Variants in ARAP1 observed in about 807,000 individuals in gnomAD.
The protein encoded by ARAP1 is ArfGAP with RhoGAP domain, ankyrin repeat and PH domain 1.
A neutral mutation model predicts 172.2 loss-of-function variants in ARAP1; 76 were observed. The observed-to-expected ratio is 0.44, with a 90% confidence interval of 0.37 to 0.53. The LOEUF is 0.53. Among genes scored for constraint, ARAP1 ranks in the 20% least tolerant of loss-of-function variants. The probability of loss-of-function intolerance (pLI) is 0.00; values close to 1 mark genes in which losing one functional copy is unlikely to be tolerated. For missense variants in ARAP1, 1,686 were observed against 1,977.5 expected, an observed-to-expected ratio of 0.85 and a Z score of 2.80; for synonymous variants, 804 against 803.3, an observed-to-expected ratio of 1.00 and a Z score of -0.01.
At chr11:72,751,863 G>C (rs1014645008) in intron 1 of ARAP1, among the ~76,000 whole-genome samples, 1 of 152,198 alleles carries the variant, frequency 6.6e-6, no homozygotes, top group Non-Finnish European at 1.5e-5. Context: ...GGGCCAGGTA[G>C]GGGCTCTGGG....
At position 72,714,153 on chromosome 11, in the gene ARAP1, G is replaced by A. The variant is rs372965440; in HGVS notation, c.678C>T (p.Phe226=). The A allele has an allele frequency of 1.0e-4, 152 of 1,480,022 alleles. No individual in the cohort carries two copies. The highest frequency in any genetic ancestry group is 2.2e-4 in the Middle Eastern group (1 of 4,452). The allele number at this position is 1,480,022 out of a possible 1,614,324, so 91.7% of individuals were successfully genotyped here. ...CCATCTCCTGGCTGCAGCACTCACC[G>A]AACTCTGGGAACAGGCGTACCGGCT... ...PPKPVRLFPE[F]DDSDYDEVPE... The change falls in exon 4 of 35, where the codon TTC becomes TTT. Residue 226 remains phenylalanine, a splice_region_variant and synonymous_variant. Transcript: ENST00000393609.
chr11:72,688,737 A>C lies in ARAP1; in HGVS notation c.3988-200T>G. 3 of 557,798 alleles carry C rather than the reference A, an allele frequency of 5.4e-6. No homozygotes were observed. In the South Asian group the frequency reaches 6.2e-5, roughly 12 times the overall value. 34.6% of individuals were successfully genotyped at this position (557,798 alleles called of 1,614,324 possible). A position where few individuals can be genotyped will look rare whatever the true frequency, so the allele number is the denominator to read the frequency against. The stretch of plus-strand genomic sequence containing the variant: ...ACCAACCTCCCAGCCCTAGGCCCCC[A>C]AGGCCTGTCTCCCTGCAGCAGTATC... On this transcript the variant is annotated intron_variant, in intron 30 of 34. Transcript: ENST00000393609.
intron 1 of ARAP1, among the ~76,000 whole-genome samples, chr11:72,739,173 G>A (rs2365442): frequency 0.14 from 20,540 of 152,034 alleles, 1,750 homozygotes; most frequent in African/African-American, 0.23. Context: ...GTGGGCAGCT[G>A]ACCGATCTCT....
At position 72,704,238 on chromosome 11, in the gene ARAP1, G is replaced by C. The variant is rs536371692; in HGVS notation, c.1906C>G (p.Arg636Gly). The change falls in exon 14 of 35, where the codon CGG (arginine) becomes GGG (glycine). Residue 636 changes from arginine (R) to glycine (G), a missense_variant. Physicochemically the swap from Arg to Gly is moderately radical, Grantham distance 125. Coordinates refer to ENST00000393609, the MANE Select transcript of ARAP1 (RefSeq NM_001040118.3). ...ALQPSSSPSTRRCHLEAKYRE... is the reference protein window; with the variant it reads ...ALQPSSSPSTGRCHLEAKYRE... Reference sequence around the variant, plus strand: ...TACTTGGCCTCCAGGTGGCACCGCCGGGTGCTGGGGCTGCTGCTGGGCTGC... The same window carrying C: ...TACTTGGCCTCCAGGTGGCACCGCCCGGTGCTGGGGCTGCTGCTGGGCTGC... The C allele has an allele frequency of 6.2e-7, 1 of 1,613,628 alleles. No homozygotes were observed. The highest frequency in any genetic ancestry group is 8.5e-7 in the Non-Finnish European group (1 of 1,179,852).
At chr11:72,690,739 G>A (rs1220580735) in intron 30 of ARAP1, among the ~76,000 whole-genome samples, 2 of 152,162 alleles carry the variant, frequency 1.3e-5, no homozygotes, top group African/African-American at 4.8e-5. Flanking sequence ...TGGGGCCATG[G>A]GCAGACAATG....
chr11:72,699,565 TG>T lies in ARAP1; in HGVS notation c.2303-14del. 1 of 1,609,030 alleles carries T rather than the reference TG, an allele frequency of 6.2e-7. No individual in the cohort carries two copies. The highest frequency in any genetic ancestry group is 1.3e-5 in the African/African-American group (1 of 74,932). On this transcript the variant is annotated splice_polypyrimidine_tract_variant and intron_variant, in intron 16 of 34. Transcript: ENST00000393609. The surrounding 1 kb of genome is among the most constrained non-coding windows in gnomAD (Gnocchi z 4.2). ...CGCCGGCTGAACTCTGGGGAGAATTTGGGCAGGGGAGCCATCAGGGAGCCCC... is the reference window on the plus strand; with the variant it reads ...CGCCGGCTGAACTCTGGGGAGAATTTGGCAGGGGAGCCATCAGGGAGCCCC...
chr11:72,748,184 TCCA>T, intron 1 of ARAP1, among the ~76,000 whole-genome samples: 1 of 152,206 alleles, frequency 6.6e-6, no homozygotes, highest in Non-Finnish European at 1.5e-5. Context: ...ATAGTCAGCT[TCCA>T]AGAAACAATA....
chr11:72,733,970 T>C (rs1212478898), intron 1 of ARAP1, among the ~76,000 whole-genome samples: 1 of 152,060 alleles, frequency 6.6e-6, no homozygotes, highest in Admixed American at 6.6e-5. Flanking sequence ...GGACTACAGG[T>C]GCGTATCACC....
At position 72,702,990 on chromosome 11, in the gene ARAP1, G is replaced by T. The variant is rs376337265; in HGVS notation, c.2082C>A (p.Asp694Glu). ...GAGCCAGGGGCGTGGGGGCCTCAGG[G>T]TCCCCCGAGAAGCAGTTGATCCCAG... ...CGAGINCFSG[D>E]PEAPTPLALA... The change falls in exon 15 of 35, where the codon GAC becomes GAA. Residue 694 changes from aspartate (D) to glutamate (E), a missense_variant. Coordinates refer to ENST00000393609, the MANE Select transcript of ARAP1 (RefSeq NM_001040118.3). 1.3e-6 allele frequency: 2 copies of T among 1,571,366 alleles called. No homozygotes were observed. The highest frequency in any genetic ancestry group is 1.4e-5 in the African/African-American group (1 of 73,948).
chr11:72,698,709 C>G (rs938352750), intron 18 of ARAP1, among the ~76,000 whole-genome samples: 2 of 152,144 alleles, frequency 1.3e-5, no homozygotes, highest in Non-Finnish European at 2.9e-5. Context: ...CTCTGGAGGC[C>G]GCACTGTCCA....
intron 1 of ARAP1, among the ~76,000 whole-genome samples, chr11:72,747,775 C>A (rs1858411460): frequency 6.6e-6 from 1 of 152,214 alleles, no homozygotes; most frequent in African/African-American, 2.4e-5. Context: ...AGGGCCAGGG[C>A]CACGGGGGCT....
In ARAP1 at chr11:72,693,809, G is replaced by T; in HGVS notation, c.3695-4C>A. 6.3e-7 allele frequency: 1 copy of T among 1,592,150 alleles called. No homozygotes were observed. The highest frequency in any genetic ancestry group is 2.3e-5 in the East Asian group (1 of 43,674). Reference sequence around the variant, plus strand: ...TCCGCAAAGTGCAGGGGGCGCTCTGGGGAGAGGTCACACCTACCGTCACTG... The same window carrying T: ...TCCGCAAAGTGCAGGGGGCGCTCTGTGGAGAGGTCACACCTACCGTCACTG... On this transcript the variant is annotated splice_region_variant and splice_polypyrimidine_tract_variant and intron_variant, in intron 27 of 34. Coordinates refer to ENST00000393609, the MANE Select transcript of ARAP1 (RefSeq NM_001040118.3). The surrounding 1 kb of genome is among the most constrained non-coding windows in gnomAD (Gnocchi z 4.6).
intron 1 of ARAP1, among the ~76,000 whole-genome samples, chr11:72,738,670 C>T (rs1359317517): frequency 2.0e-5 from 3 of 152,072 alleles, no homozygotes; most frequent in Admixed American, 1.3e-4. Flanking sequence ...GGAAACTCCT[C>T]GGAGCTCCCC....
chr11:72,730,271 C>T (rs1857823328), intron 2 of ARAP1, among the ~76,000 whole-genome samples: 1 of 152,170 alleles, frequency 6.6e-6, no homozygotes, highest in African/African-American at 2.4e-5. Context: ...TTAACCTCCC[C>T]CACACTAGGA....
At chr11:72,708,358 C>A (rs1178245520) in intron 11 of ARAP1, 2 of 152,250 alleles carry the variant, frequency 1.3e-5, no homozygotes, top group Admixed American at 6.5e-5. Flanking sequence ...GCCACTCATG[C>A]CAGCTGGGGG....
chr11:72,718,440 C>T (rs1430550104), intron 3 of ARAP1, among the ~76,000 whole-genome samples: 1 of 152,070 alleles, frequency 6.6e-6, no homozygotes, highest in East Asian at 1.9e-4. Flanking sequence ...CTCAATGGCG[C>T]CACCTCCAAG....
At chr11:72,707,496 GC>G in intron 11 of ARAP1, 122 bp from the exon 12 acceptor site, 13 of 840,606 alleles carry the variant, frequency 1.5e-5, no homozygotes, top group Non-Finnish European at 2.3e-5. Flanking sequence ...AAAGAGTGAG[GC>G]ATCCCACTCT....
intron 1 of ARAP1, among the ~76,000 whole-genome samples, chr11:72,733,621 C>T (rs1857929549): frequency 6.6e-6 from 1 of 152,156 alleles, no homozygotes; most frequent in Non-Finnish European, 1.5e-5. Context: ...GACAGGTCTC[C>T]CTCCCCAGGA....
intron 1 of ARAP1, among the ~76,000 whole-genome samples, chr11:72,747,327 C>T (rs1858398398): frequency 2.0e-5 from 3 of 152,140 alleles, no homozygotes; most frequent in Non-Finnish European, 4.4e-5. Context: ...CCCCTCTGAC[C>T]CTGAGCCCCA....
Sources: allele counts gnomAD v4.1 joint callset (sites outside exome capture counted in the v4.1 genomes callset), GRCh38; gene constraint gnomAD v4.1.1; non-coding constraint Gnocchi (gnomAD v3.1); transcripts MANE v1.5; gene names NCBI Gene and HGNC (gene_info 2026-07-23, HGNC 2026-07-21).